Variants in ALDH7A1 observed in about 807,000 individuals in gnomAD.
ALDH7A1 encodes aldehyde dehydrogenase 7 family member A1.
Under a neutral mutation model 79.9 loss-of-function variants are expected in ALDH7A1, and 63 were observed. The ratio of observed to expected loss-of-function variants is 0.79; its 90% CI spans 0.64 to 0.97. The LOEUF (loss-of-function observed/expected upper bound fraction) is 0.97. Ranked by LOEUF, ALDH7A1 falls within the 50% of genes least tolerant of loss-of-function variation. The pLI, the probability that ALDH7A1 is intolerant of heterozygous loss-of-function variation, is 0.00. For synonymous variants in ALDH7A1, 240 were observed against 231.2 expected, an observed-to-expected ratio of 1.04 and a Z score of -0.34; for missense variants, 627 against 665.2, an observed-to-expected ratio of 0.94 and a Z score of 0.63.
At chr5:126,559,717 G>A (rs1343645515) in intron 10 of ALDH7A1, among the ~76,000 whole-genome samples, 1 of 152,132 alleles carries the variant, frequency 6.6e-6, no homozygotes, top group Non-Finnish European at 1.5e-5. Flanking sequence ...ACAGGCGTGA[G>A]CCACTGTGCC....
intron 7 of ALDH7A1, among the ~76,000 whole-genome samples, chr5:126,571,956 A>G (rs966278947): frequency 2.0e-5 from 3 of 152,204 alleles, no homozygotes; most frequent in Non-Finnish European, 2.9e-5. Context: ...CCTGCAGGCT[A>G]AAGAATTGCA....
intron 14 of ALDH7A1, among the ~76,000 whole-genome samples, chr5:126,551,028 C>T (rs1001661469): frequency 6.6e-6 from 1 of 152,148 alleles, no homozygotes; most frequent in Non-Finnish European, 1.5e-5. Context: ...GTTTTAGAGA[C>T]AGGATCTCTT....
At chr5:126,547,404 T>C (rs1749825528) in intron 16 of ALDH7A1, among the ~76,000 whole-genome samples, 1 of 152,176 alleles carries the variant, frequency 6.6e-6, no homozygotes, top group Admixed American at 6.5e-5. Context: ...GCTACGCACA[T>C]GCTGGGGGAA....
chr5:126,595,204 G>T lies in ALDH7A1; in HGVS notation c.-6C>A, dbSNP rs1476117336. On this transcript the variant is annotated 5_prime_UTR_variant, in exon 1 of 18. Coordinates refer to ENST00000409134, the MANE Select transcript of ALDH7A1 (RefSeq NM_001182.5). Reference sequence around the variant, plus strand: ...GCGCGAGGAAGGCGCCACATACTGAGCCCGGGACTCGGGATGAGCCCAAGG... The same window carrying T: ...GCGCGAGGAAGGCGCCACATACTGATCCCGGGACTCGGGATGAGCCCAAGG... The T allele has an allele frequency of 4.5e-6, 7 of 1,551,716 alleles. No homozygotes were observed. The highest frequency in any genetic ancestry group is 2.4e-5 in the East Asian group (1 of 40,934).
chr5:126,547,801 C>T (rs1448215271), intron 16 of ALDH7A1, among the ~76,000 whole-genome samples: 2 of 152,076 alleles, frequency 1.3e-5, no homozygotes, highest in Admixed American at 6.6e-5. Context: ...CCTGTATTCC[C>T]AGCACTTTGG....
Position 126,550,226 on chromosome 5 carries a change from T to C in ALDH7A1, c.1385A>G (p.Lys462Arg). ...CCAGCGAAAGATTCTGCCCAGATCT[T>C]TGGTAAAGATGCTACTTGAAAGTCC... Reference protein sequence around the residue: ...KQGLSSSIFTKDLGRIFRWLG... With the variant: ...KQGLSSSIFTRDLGRIFRWLG... The change falls in exon 15 of 18, where the codon AAA becomes AGA. Residue 462 changes from lysine (K) to arginine (R), a missense_variant. Lys to Arg is a conservative substitution (Grantham distance 26). Coordinates refer to ENST00000409134, the MANE Select transcript of ALDH7A1 (RefSeq NM_001182.5). 1 of 1,613,368 alleles carries C rather than the reference T, an allele frequency of 6.2e-7. No individual in the cohort carries two copies. The highest frequency in any genetic ancestry group is 8.5e-7 in the Non-Finnish European group (1 of 1,179,964).
At chr5:126,567,319 C>T (rs991749518) in intron 9 of ALDH7A1, among the ~76,000 whole-genome samples, 1 of 152,150 alleles carries the variant, frequency 6.6e-6, no homozygotes, top group Non-Finnish European at 1.5e-5. Flanking sequence ...AAACTGCTGG[C>T]GACTGTACCC....
chr5:126,550,072 A>T, intron 15 of ALDH7A1, 70 bp from the exon 16 acceptor site: 1 of 1,580,580 alleles, frequency 6.3e-7, no homozygotes, highest in Non-Finnish European at 8.7e-7. Context: ...TAAATAAAAA[A>T]TCTAAACCAA....
chr5:126,568,499 G>C, intron 8 of ALDH7A1, 143 bp from the exon 9 acceptor site: 1 of 750,256 alleles, frequency 1.3e-6, no homozygotes, highest in South Asian at 1.4e-5. Flanking sequence ...GCAAGGGAAG[G>C]TCTTCATGAG....
chr5:126,546,538 C>T (rs1253622819), intron 16 of ALDH7A1, 139 bp from the exon 17 acceptor site: 2 of 747,104 alleles, frequency 2.7e-6, no homozygotes, highest in African/African-American at 3.5e-5. Context: ...CAATATCTCC[C>T]CTGCAAACAA....
intron 9 of ALDH7A1, among the ~76,000 whole-genome samples, chr5:126,565,810 A>G (rs942947268): frequency 3.9e-5 from 6 of 152,236 alleles, no homozygotes; most frequent in Admixed American, 3.3e-4. Context: ...GTGTATAGAT[A>G]GCTACTTGTG....
At chr5:126,564,038 T>C (rs1390476574) in intron 9 of ALDH7A1, among the ~76,000 whole-genome samples, 1 of 152,084 alleles carries the variant, frequency 6.6e-6, no homozygotes, top group Non-Finnish European at 1.5e-5. Flanking sequence ...CCACCCACCT[T>C]GACCTCCCAA....
rs1581409051 is a variant in ALDH7A1 at position 126,595,007 on chromosome 5, C to T, written c.192G>A (p.Glu64=). The T allele has an allele frequency of 1.3e-6, 2 of 1,597,554 alleles. No homozygotes were observed. The highest frequency in any genetic ancestry group is 1.3e-5 in the African/African-American group (1 of 74,412). The change falls in exon 1 of 18, where the codon GAG becomes GAA. Residue 64 remains glutamate (E), a splice_region_variant and synonymous_variant. Transcript: ENST00000409134. The part of the protein sequence containing the change: ...VYNGSWGGRG[E]VITTYCPANN... ...AGAGATTTCTTGAGCGCCCGCGTACCTCTCCCCGGCCTCCCCAGCTTCCAT... is the reference window on the plus strand; with the variant it reads ...AGAGATTTCTTGAGCGCCCGCGTACTTCTCCCCGGCCTCCCCAGCTTCCAT...
chr5:126,575,537 A>G, intron 6 of ALDH7A1, 73 bp from the exon 7 acceptor site: 1 of 1,339,802 alleles, frequency 7.5e-7, no homozygotes. Context: ...TTTTATTATC[A>G]AACAGAAGCA....
chr5:126,588,330 T>A (rs936806031), intron 3 of ALDH7A1: 1 of 151,734 alleles, frequency 6.6e-6, no homozygotes, highest in South Asian at 2.1e-4. Flanking sequence ...AAAAAAAACA[T>A]TAGCCGGGCA....
At position 126,550,264 on chromosome 5, in the gene ALDH7A1, A is replaced by T. The variant is rs1342037208; in HGVS notation, c.1347T>A (p.Asn449Lys). Residue 449 changes from asparagine (N) to lysine (K), a missense_variant, in exon 15 of 18, where the codon AAT becomes AAA. Physicochemically the swap from Asn to Lys is moderately conservative, Grantham distance 94. Transcript: ENST00000409134. ...TACTTGAAAGTCCCTGTTTTACTTC[A>T]TTATTCCATGCAAAGACCTCTTCTT... ...KNEEEVFAWN[N>K]EVKQGLSSSI... 1 of 1,613,678 alleles carries T rather than the reference A, an allele frequency of 6.2e-7. No homozygotes were observed. The highest frequency in any genetic ancestry group is 1.7e-5 in the Admixed American group (1 of 60,022).
At position 126,561,142 on chromosome 5, in the gene ALDH7A1, A is replaced by G; in HGVS notation, c.872-18T>C. ...ACTTCTCCCTTAAAAGAAAAAAATT[A>G]TATATAAAAATTAATGCCTACTTCC... On this transcript the variant is annotated intron_variant, in intron 9 of 17. Coordinates refer to ENST00000409134, the MANE Select transcript of ALDH7A1 (RefSeq NM_001182.5). 1.3e-6 allele frequency: 2 copies of G among 1,584,554 alleles called. No homozygotes were observed. The highest frequency in any genetic ancestry group is 1.7e-6 in the Non-Finnish European group (2 of 1,162,186).
chr5:126,586,016 A>T (rs1284725397), intron 3 of ALDH7A1: 1 of 152,230 alleles, frequency 6.6e-6, no homozygotes, highest in Admixed American at 6.5e-5. Context: ...ACAGTGATAA[A>T]ATAAGGTCGA....
chr5:126,569,435 A>G (rs1429040530), intron 8 of ALDH7A1: 1 of 152,194 alleles, frequency 6.6e-6, no homozygotes, highest in Non-Finnish European at 1.5e-5. Context: ...TACTGATTTG[A>G]ACCTCTTTCT....
Sources: gnomAD v4.1 joint callset for allele counts (sites outside exome capture counted in the v4.1 genomes callset) on GRCh38, gnomAD v4.1.1 for gene constraint, MANE v1.5 for transcripts, NCBI Gene and HGNC (gene_info 2026-07-23, HGNC 2026-07-21) for gene names.